ABR: variants seen among roughly 807,000 people sequenced by gnomAD.
The protein encoded by ABR is ABR activator of RhoGEF and GTPase.
A neutral mutation model predicts 107.2 loss-of-function variants in ABR; 35 were observed. That is an observed-to-expected ratio of 0.33 (90% CI 0.25 to 0.43). The LOEUF is 0.43. ABR is among the 20% of genes least tolerant of loss of function. The pLI is 1.00. For missense variants in ABR, 815 were observed against 1,115.2 expected, an observed-to-expected ratio of 0.73 and a Z score of 3.83; for synonymous variants, 498 against 462.0, an observed-to-expected ratio of 1.08 and a Z score of -1.00.
chr17:1,195,199 C>T (rs957975863), intron 1 of ABR, among the ~76,000 whole-genome samples: 1 of 145,120 alleles, frequency 6.9e-6, no homozygotes, highest in Non-Finnish European at 1.5e-5. Flanking sequence ...CCCAGCTACT[C>T]GGGAGGCTGA....
intron 13 of ABR, 98 bp from the exon 14 acceptor site, chr17:1,056,207 C>T: frequency 9.3e-7 from 1 of 1,073,006 alleles, no homozygotes; most frequent in East Asian, 2.4e-5. Context: ...TGAGACTCAG[C>T]TGAGTCTTGG....
chr17:1,143,060 TG>T (rs1222725115), intron 1 of ABR, among the ~76,000 whole-genome samples: 1 of 78,086 alleles, frequency 1.3e-5, no homozygotes. Context: ...AGCTCGCTCC[TG>T]GGGGGCAGCT....
At chr17:1,088,452 TTAATAATAATAATAATAATAA>T (rs60961802) in intron 4 of ABR, among the ~76,000 whole-genome samples, 6 of 143,518 alleles carry the variant, frequency 4.2e-5, no homozygotes, top group East Asian at 2.0e-4. Flanking sequence ...TCTTCCCAAT[TTAATAATAATAATAATAATAA>T]TAATAATAAT....
intron 17 of ABR, 38 bp from the exon 18 acceptor site, chr17:1,012,835 T>C: frequency 6.6e-7 from 1 of 1,505,194 alleles, no homozygotes; most frequent in Admixed American, 1.9e-5. Context: ...TTCCCCAGGG[T>C]GTGAGTGCCC....
intron 3 of ABR, among the ~76,000 whole-genome samples, chr17:1,099,221 T>C (rs969825420): frequency 1.3e-5 from 2 of 151,790 alleles, no homozygotes; most frequent in Non-Finnish European, 2.9e-5. Flanking sequence ...ATTACAGGTA[T>C]GCACCACCAC....
chr17:1,105,333 C>G (rs2038174353), intron 2 of ABR, among the ~76,000 whole-genome samples: 1 of 152,104 alleles, frequency 6.6e-6, no homozygotes, highest in Non-Finnish European at 1.5e-5. Flanking sequence ...CAGTCTTACC[C>G]TACACGTATT....
At chr17:1,091,625 G>A in intron 4 of ABR, 40 bp downstream of exon 4, 1 of 1,592,542 alleles carries the variant, frequency 6.3e-7, no homozygotes. Context: ...GGGCTCCACT[G>A]AGGCCCTGCG....
chr17:1,163,284 G>A (rs540173503), intron 1 of ABR, among the ~76,000 whole-genome samples: 8 of 152,206 alleles, frequency 5.3e-5, no homozygotes, highest in African/African-American at 7.2e-5. Flanking sequence ...CAATCGCATC[G>A]TGATTTTTTG....
intron 1 of ABR, among the ~76,000 whole-genome samples, chr17:1,171,698 G>A (rs1020408663): frequency 3.9e-5 from 6 of 152,186 alleles, no homozygotes; most frequent in South Asian, 2.1e-4. Flanking sequence ...TTGGGAGGCC[G>A]AGGTGGGCGG....
intron 1 of ABR, among the ~76,000 whole-genome samples, chr17:1,141,950 G>A (rs553892731): frequency 6.6e-6 from 1 of 151,928 alleles, no homozygotes; most frequent in Non-Finnish European, 1.5e-5. Context: ...TAGAGGTAGG[G>A]TTTCACCATG....
At chr17:1,193,915 T>C (rs141191181) in intron 1 of ABR, among the ~76,000 whole-genome samples, 45,731 of 151,602 alleles carry the variant, frequency 0.3, 7,792 homozygotes, top group South Asian at 0.46. Context: ...AGGATGGTTT[T>C]GATCTCCTGA....
upstream of ABR, among the ~76,000 whole-genome samples, chr17:1,191,271 C>T (rs1042474829): frequency 5.3e-5 from 8 of 152,150 alleles, no homozygotes; most frequent in Non-Finnish European, 1.2e-4. Flanking sequence ...CGCCAGCCTC[C>T]CGCCAAGCTT....
At chr17:1,066,966 A>T (rs1333686971) in intron 10 of ABR, 111 bp downstream of exon 10, 12 of 1,159,190 alleles carry the variant, frequency 1.0e-5, no homozygotes, top group Non-Finnish European at 1.5e-5. Flanking sequence ...CTTAGTAACT[A>T]CACACTCAAG....
intron 16 of ABR, among the ~76,000 whole-genome samples, chr17:1,046,674 C>T (rs915141050): frequency 6.6e-6 from 1 of 152,212 alleles, no homozygotes; most frequent in Non-Finnish European, 1.5e-5. Context: ...AGCCATGCCA[C>T]GGCCCTCTGT....
intron 2 of ABR, among the ~76,000 whole-genome samples, chr17:1,117,857 GC>G (rs2039101021): frequency 1.1e-4 from 2 of 18,314 alleles, no homozygotes; most frequent in Admixed American, 1.4e-3. Context: ...CAGCGTTATT[GC>G]CTGAGCCTGA....
intron 5 of ABR, among the ~76,000 whole-genome samples, chr17:1,080,763 G>A (rs2036170776): frequency 1.4e-5 from 2 of 142,534 alleles, no homozygotes; most frequent in Admixed American, 6.9e-5. Context: ...ATTTTGGGGG[G>A]CGGGGGGGTG....
intron 13 of ABR, 62 bp from the exon 14 acceptor site, chr17:1,056,171 C>T: frequency 2.1e-6 from 3 of 1,455,152 alleles, no homozygotes; most frequent in South Asian, 2.3e-5. Context: ...GCCTCCACCC[C>T]AGGCCGGCGG....
chr17:1,182,046 T>G (rs2042151879), upstream of ABR: 1 of 152,180 alleles, frequency 6.6e-6, no homozygotes, highest in East Asian at 1.9e-4. Flanking sequence ...TTGCCATAGT[T>G]TGCTTTTTTC....
chr17:1,012,452 G>T, intron 18 of ABR: 2 of 693,326 alleles, frequency 2.9e-6, no homozygotes, highest in Non-Finnish European at 5.3e-6. Context: ...AGGAGCAGAC[G>T]ATCTGGGATC....
Sources: allele counts gnomAD v4.1 joint callset (sites outside exome capture counted in the v4.1 genomes callset), GRCh38; gene constraint gnomAD v4.1.1; transcripts MANE v1.5; gene names NCBI Gene and HGNC (gene_info 2026-07-23, HGNC 2026-07-21).